The following ZNF654 variants were observed in gnomAD, a reference collection of about 807,000 sequenced individuals.
ZNF654 encodes the protein melanoma-associated antigen.
In ZNF654, 19 loss-of-function variants were observed where a neutral mutation model predicts 95.3. The observed-to-expected ratio is 0.20, with a 90% CI of 0.14 to 0.29. The LOEUF is 0.29. ZNF654 is among the 10% of genes least tolerant of loss of function. ZNF654 has a pLI of 1.00. For missense variants in ZNF654, 1,046 were observed against 1,341.0 expected (o/e 0.78, Z 3.44); for synonymous variants, 413 against 457.9 (o/e 0.90, Z 1.25).
At chr3:88,111,966 T>C (rs1705115658) in intron 2 of ZNF654, among the ~76,000 whole-genome samples, 2 of 152,000 alleles carry the variant, frequency 1.3e-5, no homozygotes, top group Admixed American at 1.3e-4. Context: ...CTGCGAAATA[T>C]TCTCTTGCAG....
chr3:88,082,805 T>G (rs7618472), intron 1 of ZNF654, among the ~76,000 whole-genome samples: 119,123 of 152,082 alleles, frequency 0.78, 47,580 homozygotes, highest in South Asian at 0.91. Flanking sequence ...TTACTTAGGC[T>G]GCCATAGGAA....
intron 3 of ZNF654, among the ~76,000 whole-genome samples, chr3:88,124,113 TA>T (rs1487011533): frequency 6.6e-6 from 1 of 152,252 alleles, no homozygotes; most frequent in Non-Finnish European, 1.5e-5. Flanking sequence ...ATAAGATATT[TA>T]TTCGAACTGT....
chr3:88,113,946 G>A (rs2107770335), intron 3 of ZNF654, among the ~76,000 whole-genome samples: 1 of 152,190 alleles, frequency 6.6e-6, no homozygotes, highest in East Asian at 1.9e-4. Flanking sequence ...AAAAATACCT[G>A]TTTTCATGGA....
chr3:88,135,033 G>T, intron 6 of ZNF654, 28 bp from the exon 7 acceptor site: 5 of 1,345,160 alleles, frequency 3.7e-6, no homozygotes, highest in South Asian at 1.8e-5. Flanking sequence ...CTGTATTTTT[G>T]ATAATTCTCT....
At chr3:88,120,332 A>G (rs1425579862) in intron 3 of ZNF654, among the ~76,000 whole-genome samples, 5 of 152,202 alleles carry the variant, frequency 3.3e-5, no homozygotes. Flanking sequence ...GTATATGGCA[A>G]AAGAACAGGT....
At position 88,059,354 on chromosome 3, in the gene ZNF654, G is replaced by A. The variant is rs1348545652; in HGVS notation, c.35G>A (p.Arg12His). 1 of 1,535,022 alleles carries A rather than the reference G, an allele frequency of 6.5e-7. No individual in the cohort carries two copies. The highest frequency in any genetic ancestry group is 1.4e-5 in the African/African-American group (1 of 73,102). ...GAAGAGAGCGACCAAGAGGCCGAACGCCTCGGAGAAGAGCTTGTGGCCATT... is the reference window on the plus strand; with the variant it reads ...GAAGAGAGCGACCAAGAGGCCGAACACCTCGGAGAAGAGCTTGTGGCCATT... Reference protein sequence around the residue: ...AEEESDQEAERLGEELVAIVE... With the variant: ...AEEESDQEAEHLGEELVAIVE... The change falls in exon 1 of 9, where the codon CGC (arginine) becomes CAC (histidine). Residue 12 changes from arginine to histidine, a missense_variant. By Grantham distance (29) the Arg-to-His change is conservative (BLOSUM62 0). Around this residue, in one of 9 missense-constraint regions of ZNF654, gnomAD observed 89 missense variants for 77.9 expected, o/e 1.14. Coordinates refer to ENST00000636215, the MANE Select transcript of ZNF654 (RefSeq NM_001350134.2).
At chr3:88,059,591 C>T (rs1248310484) in intron 1 of ZNF654, 86 bp downstream of exon 1, 2 of 1,427,898 alleles carry the variant, frequency 1.4e-6, no homozygotes, top group Non-Finnish European at 9.1e-7. Context: ...TGAATCTGGT[C>T]TATGTCCAGT....
chr3:88,115,393 A>G (rs1705330174), intron 3 of ZNF654, among the ~76,000 whole-genome samples: 1 of 152,238 alleles, frequency 6.6e-6, no homozygotes, highest in African/African-American at 2.4e-5. Context: ...AATGGAGGCA[A>G]TAACTATACT....
chr3:88,080,958 C>T (rs1708045641), intron 1 of ZNF654, among the ~76,000 whole-genome samples: 1 of 152,122 alleles, frequency 6.6e-6, no homozygotes, highest in African/African-American at 2.4e-5. Flanking sequence ...TGTTCTTTTC[C>T]CATTCCAGGA....
chr3:88,069,546 T>G (rs1048570517), intron 1 of ZNF654, among the ~76,000 whole-genome samples: 1 of 152,242 alleles, frequency 6.6e-6, no homozygotes, highest in Non-Finnish European at 1.5e-5. Flanking sequence ...ATCGAAGTTA[T>G]AACTACACAA....
chr3:88,108,215 T>TC, intron 2 of ZNF654, among the ~76,000 whole-genome samples: 1 of 152,210 alleles, frequency 6.6e-6, no homozygotes, highest in African/African-American at 2.4e-5. Flanking sequence ...TTTTTTTTTT[T>TC]CCTATTTCTA....
At chr3:88,068,094 T>TAAG (rs1203175140) in intron 1 of ZNF654, among the ~76,000 whole-genome samples, 1 of 152,138 alleles carries the variant, frequency 6.6e-6, no homozygotes, top group Non-Finnish European at 1.5e-5. Context: ...GTTCATCTAT[T>TAAG]AAGAGTACAT....
intron 2 of ZNF654, among the ~76,000 whole-genome samples, chr3:88,111,459 T>C (rs4858932): frequency 0.036 from 5,400 of 151,900 alleles, 467 homozygotes; most frequent in Admixed American, 0.2. Context: ...AATGAATATA[T>C]ATCTCTGGGT....
intron 1 of ZNF654, among the ~76,000 whole-genome samples, chr3:88,080,583 A>T (rs1708026927): frequency 6.6e-6 from 1 of 152,128 alleles, no homozygotes; most frequent in Non-Finnish European, 1.5e-5. Flanking sequence ...CTGGAATTCA[A>T]ACCTAGGTCT....
At chr3:88,117,488 A>G (rs750989491) in intron 3 of ZNF654, among the ~76,000 whole-genome samples, 10 of 152,206 alleles carry the variant, frequency 6.6e-5, no homozygotes, top group Non-Finnish European at 1.2e-4. Flanking sequence ...TAAATAGTCT[A>G]AATACTTGGA....
At chr3:88,099,908 G>T (rs564364032) in intron 2 of ZNF654, among the ~76,000 whole-genome samples, 1 of 152,256 alleles carries the variant, frequency 6.6e-6, no homozygotes, top group South Asian at 2.1e-4. Context: ...GAGGACATAG[G>T]CATGGGCAAG....
At chr3:88,092,907 G>A (rs2078611895) in intron 2 of ZNF654, among the ~76,000 whole-genome samples, 1 of 152,112 alleles carries the variant, frequency 6.6e-6, no homozygotes, top group African/African-American at 2.4e-5. Flanking sequence ...AGTTTTGCTA[G>A]TGTTGTCTAC....
intron 2 of ZNF654, among the ~76,000 whole-genome samples, chr3:88,094,318 T>C (rs1703928324): frequency 6.6e-6 from 1 of 152,150 alleles, no homozygotes; most frequent in Non-Finnish European, 1.5e-5. Flanking sequence ...TAGCATCTTT[T>C]CCCCGGTAAT....
At chr3:88,083,946 TA>T (rs1708212791) in intron 1 of ZNF654, among the ~76,000 whole-genome samples, 1 of 4,732 alleles carries the variant, frequency 2.1e-4, no homozygotes, top group Non-Finnish European at 1.4e-3. Context: ...TTATTTTATA[TA>T]TATATATATA....
Sources: allele counts gnomAD v4.1 joint callset (sites outside exome capture counted in the v4.1 genomes callset), GRCh38; gene constraint gnomAD v4.1.1; regional missense constraint gnomAD v4.1.1; transcripts MANE v1.5; gene names NCBI Gene and HGNC (gene_info 2026-07-23, HGNC 2026-07-21).